The following MEP1B variants were observed in gnomAD, a reference collection of about 807,000 sequenced individuals.
The protein encoded by MEP1B is meprin A subunit beta.
Under a neutral mutation model 84.6 loss-of-function variants are expected in MEP1B, and 80 were observed. The observed-to-expected ratio is 0.95, with a 90% CI of 0.79 to 1.14. MEP1B has a LOEUF of 1.14. Ranked by LOEUF, MEP1B falls within the 50% of genes most tolerant of loss-of-function variation. MEP1B has a pLI of 0.00. For missense variants in MEP1B, 766 were observed against 855.1 expected (o/e 0.90, Z 1.30); for synonymous variants, 273 against 288.1 (o/e 0.95, Z 0.53).
intron 10 of MEP1B, among the ~76,000 whole-genome samples, chr18:32,212,246 G>A (rs1466696274): frequency 6.6e-6 from 1 of 151,918 alleles, no homozygotes; most frequent in African/African-American, 2.4e-5. Flanking sequence ...AACACAAAAA[G>A]GCACTTAAGA....
chr18:32,213,684 A>G, intron 11 of MEP1B, 125 bp downstream of exon 11: 1 of 699,794 alleles, frequency 1.4e-6, no homozygotes, highest in Non-Finnish European at 2.4e-6. Context: ...TCTTAAGAAC[A>G]GATATTTAGG....
intron 12 of MEP1B, among the ~76,000 whole-genome samples, chr18:32,215,954 A>G (rs1452887583): frequency 7.4e-6 from 1 of 134,826 alleles, no homozygotes; most frequent in Non-Finnish European, 1.6e-5. Flanking sequence ...ATGTACATAC[A>G]TGCATACATA....
chr18:32,213,503 T>C lies in MEP1B; in HGVS notation c.1523T>C (p.Ile508Thr), dbSNP rs1015933672. ...ACACTTTTGGATCAAAATCCTGACA[T>C]TCGACAGCGTATGTCCAATCAGCGG... Reference protein sequence around the residue: ...TMTLLDQNPDIRQRMSNQRSI... With the variant: ...TMTLLDQNPDTRQRMSNQRSI... Residue 508 changes from isoleucine (I) to threonine (T), a missense_variant, in exon 11 of 15, where the codon ATT becomes ACT. By Grantham distance (89) the Ile-to-Thr change is moderately conservative. Coordinates refer to ENST00000269202, the MANE Select transcript of MEP1B (RefSeq NM_005925.3). 3 of 1,613,856 alleles carry C rather than the reference T, an allele frequency of 1.9e-6. No homozygotes were observed. The highest frequency in any genetic ancestry group is 1.7e-6 in the Non-Finnish European group (2 of 1,179,882).
intron 5 of MEP1B, among the ~76,000 whole-genome samples, chr18:32,197,963 C>T (rs1465051890): frequency 6.6e-6 from 1 of 152,104 alleles, no homozygotes; most frequent in African/African-American, 2.4e-5. Context: ...ATTTAGCTCC[C>T]ACTTATGGGA....
Position 32,191,968 on chromosome 18 carries a change from T to G in MEP1B, c.82+128T>G, listed in dbSNP as rs1018855947. 2.7e-5 allele frequency: 16 copies of G among 600,868 alleles called. No individual in the cohort carries two copies. The Admixed American group carries it at 5.0e-4, about 19-fold the overall frequency. The allele number at this position is 600,868 out of a possible 1,614,324, so 37.2% of individuals were successfully genotyped here. ...ATTGAACTTTGATCTAATACTGGATTCTTTTGATTTATGGAGGGACATTTT... is the reference window on the plus strand; with the variant it reads ...ATTGAACTTTGATCTAATACTGGATGCTTTTGATTTATGGAGGGACATTTT... On this transcript the variant is annotated intron_variant, in intron 2 of 14. Coordinates refer to ENST00000269202, the MANE Select transcript of MEP1B (RefSeq NM_005925.3).
rs181763318 is a variant in MEP1B, at chr18:32,206,045, G to A, written c.548-1207G>A. 4.8e-4 allele frequency among the ~76,000 whole-genome samples: 73 copies of A among 151,836 alleles called. 1 individual carries two copies. In the East Asian group the frequency reaches 0.012, roughly 25 times the overall value. On this transcript the variant is annotated intron_variant, in intron 7 of 14. Transcript: ENST00000269202. The stretch of plus-strand genomic sequence containing the variant: ...TGCCCAGGCTGGAGTGCAGTGGTGC[G>A]ATCTTGGCTCACTGCAACCTCCACC...
intron 4 of MEP1B, among the ~76,000 whole-genome samples, chr18:32,193,654 A>AAATT (rs1307819857): frequency 6.6e-6 from 1 of 152,174 alleles, no homozygotes; most frequent in Admixed American, 6.5e-5. Flanking sequence ...TGTGGCCTAG[A>AAATT]AATTACCCAG....
chr18:32,190,204 TG>T (rs75359039), intron 1 of MEP1B, 71 bp downstream of exon 1: 75,798 of 1,102,550 alleles, frequency 0.069, 1,531 homozygotes, highest in South Asian at 0.13. Flanking sequence ...AAAGAACAAG[TG>T]TTTTTTTTTT....
chr18:32,197,635 G>C (rs1410078286), intron 5 of MEP1B, among the ~76,000 whole-genome samples: 3 of 152,118 alleles, frequency 2.0e-5, no homozygotes, highest in Non-Finnish European at 4.4e-5. Flanking sequence ...GTACAGGCTG[G>C]TCTCGAATTC....
rs1393896451 is a variant in MEP1B, at chr18:32,207,536, G to A, written c.766+66G>A. 7.1e-6 allele frequency: 8 copies of A among 1,125,118 alleles called. No homozygotes were observed. In the East Asian group the frequency reaches 1.3e-4, roughly 18 times the overall value. 69.7% of individuals were successfully genotyped at this position (1,125,118 alleles called of 1,614,324 possible). A position where few individuals can be genotyped will look rare whatever the true frequency, so the allele number is the denominator to read the frequency against. The stretch of plus-strand genomic sequence containing the variant: ...GTTATGTAGGAAAAAATGATGGTCT[G>A]TGCCATTTTGTCAAGCATTGGTGGG... On this transcript the variant is annotated intron_variant, in intron 8 of 14. Transcript: ENST00000269202.
At chr18:32,210,877 T>C (rs2041019783) in intron 10 of MEP1B, among the ~76,000 whole-genome samples, 161 bp downstream of exon 10, 1 of 152,224 alleles carries the variant, frequency 6.6e-6, no homozygotes, top group Admixed American at 6.5e-5. Context: ...GAAGCTAGAA[T>C]GAAGATTCTT....
At chr18:32,194,335 A>G (rs909738824) in intron 4 of MEP1B, among the ~76,000 whole-genome samples, 1 of 151,914 alleles carries the variant, frequency 6.6e-6, no homozygotes, top group Non-Finnish European at 1.5e-5. Context: ...ACTTGTCCTT[A>G]TCTCTCACAG....
intron 12 of MEP1B, among the ~76,000 whole-genome samples, chr18:32,215,809 GCGAGAC>G (rs2041080401): frequency 1.3e-5 from 2 of 152,158 alleles, no homozygotes; most frequent in East Asian, 3.9e-4. Context: ...GGGCCAAAGA[GCGAGAC>G]TCCGTCTCAA....
chr18:32,207,480 A>T lies in MEP1B; in HGVS notation c.766+10A>T, dbSNP rs2144409088. On this transcript the variant is annotated intron_variant, in intron 8 of 14. Coordinates refer to ENST00000269202, the MANE Select transcript of MEP1B (RefSeq NM_005925.3). ...CAACTGTATAACTGCTGTATGTGAC[A>T]GGTTCTTTGAAATGACTTATATTTT... 6.4e-7 allele frequency: 1 copy of T among 1,573,116 alleles called. No homozygotes were observed. The highest frequency in any genetic ancestry group is 2.2e-5 in the East Asian group (1 of 44,498).
rs764806736 is a variant in MEP1B at position 32,213,110 on chromosome 18, T to C, written c.1136-6T>C. The C allele has an allele frequency of 1.2e-6, 2 of 1,610,512 alleles. No individual in the cohort carries two copies. Among genetic ancestry groups the C allele is most frequent in the Non-Finnish European group, 1.7e-6 (2 of 1,177,184 alleles). The stretch of plus-strand genomic sequence containing the variant: ...TGTCTTTGAAATAATAATGACTCTT[T>C]TGCAGAAATACCCACTGGGAGCTGG... On this transcript the variant is annotated splice_polypyrimidine_tract_variant and splice_region_variant and intron_variant, in intron 10 of 14. Transcript: ENST00000269202.
intron 5 of MEP1B, among the ~76,000 whole-genome samples, chr18:32,200,036 T>G (rs1270894925): frequency 6.6e-6 from 1 of 151,952 alleles, no homozygotes; most frequent in Non-Finnish European, 1.5e-5. Flanking sequence ...ATTTTTTTTT[T>G]GCCATGTATT....
In MEP1B at chr18:32,202,924, A is replaced by G; in HGVS notation, c.282A>G (p.Ala94=). ...EMNAKGVILN[A]FERYRLKTCI... ...ATGCTAAGGGAGTTATCCTCAATGC[A>G]TTTGAACGTTATCGCCTTAAAACAT... Residue 94 remains alanine, a synonymous_variant, in exon 6 of 15, where the codon GCA becomes GCG. Transcript: ENST00000269202. 6.2e-7 allele frequency: 1 copy of G among 1,612,098 alleles called. No homozygotes were observed. The highest frequency in any genetic ancestry group is 8.5e-7 in the Non-Finnish European group (1 of 1,178,844).
rs548192374 is a variant in MEP1B, at chr18:32,195,985, T to A, written c.250+500T>A. 1,712 of 322,732 alleles carry A rather than the reference T, an allele frequency of 5.3e-3. 7 individuals carry two copies. Among genetic ancestry groups the A allele is most frequent in the Non-Finnish European group, 8.2e-3 (1,379 of 168,290 alleles). 20.0% of individuals were successfully genotyped at this position (322,732 alleles called of 1,614,324 possible). A position where few individuals can be genotyped will look rare whatever the true frequency, so the allele number is the denominator to read the frequency against. On this transcript the variant is annotated intron_variant, in intron 5 of 14. Coordinates refer to ENST00000269202, the MANE Select transcript of MEP1B (RefSeq NM_005925.3). ...TCCTAGAGTCTGGATCCCTGGTGAG[T>A]GAGGCCACTGACTGACTGTCCATCT...
Position 32,192,650 on chromosome 18 carries a change from A to C in MEP1B, c.87A>C (p.Val29=). 3 of 1,613,060 alleles carry C rather than the reference A, an allele frequency of 1.9e-6. No homozygotes were observed. Among genetic ancestry groups the C allele is most frequent in the Non-Finnish European group, 2.5e-6 (3 of 1,179,180 alleles). ...TTGTTGTTGTTTTAATCAAAGATGT[A>C]GATGGCGGAATGGACCAGGACATAT... ...SGLATPENFD[V]DGGMDQDIFD... The change falls in exon 3 of 15, where the codon GTA becomes GTC. Residue 29 remains valine, a synonymous_variant. Coordinates refer to ENST00000269202, the MANE Select transcript of MEP1B (RefSeq NM_005925.3).
Sources: gnomAD v4.1 joint callset for allele counts (sites outside exome capture counted in the v4.1 genomes callset) on GRCh38, gnomAD v4.1.1 for gene constraint, MANE v1.5 for transcripts, NCBI Gene and HGNC (gene_info 2026-07-23, HGNC 2026-07-21) for gene names.